Variants in EXOC6 observed in about 807,000 individuals in gnomAD.
EXOC6 encodes the protein exocyst complex component 6, also known as SEC15-like 1.
EXOC6 carries 60 observed loss-of-function variants against 112.5 expected under a neutral mutation model. The observed-to-expected ratio is 0.53, with a 90% CI of 0.43 to 0.66. EXOC6 has a LOEUF of 0.66. Among genes scored for constraint, EXOC6 ranks in the 30% least tolerant of loss-of-function variants. The probability of loss-of-function intolerance (pLI) is 0.00; values close to 1 mark genes in which losing one functional copy is unlikely to be tolerated. For missense variants in EXOC6, 855 were observed against 957.1 expected, an observed-to-expected ratio of 0.89 and a Z score of 1.41; for synonymous variants, 295 against 308.0, an observed-to-expected ratio of 0.96 and a Z score of 0.44.
intron 20 of EXOC6, among the ~76,000 whole-genome samples, chr10:93,045,431 C>G (rs549733694): frequency 6.6e-6 from 1 of 152,130 alleles, no homozygotes; most frequent in African/African-American, 2.4e-5. Context: ...ACTAGTTATT[C>G]TCTTCCCTCG....
intron 9 of EXOC6, among the ~76,000 whole-genome samples, chr10:92,932,594 A>C (rs1310174961): frequency 2.0e-5 from 3 of 152,172 alleles, no homozygotes; most frequent in African/African-American, 7.2e-5. Context: ...TTCTATATCC[A>C]GTGAAACAAG....
Position 92,996,216 on chromosome 10 carries a change from C to G in EXOC6, c.1954-1258C>G, listed in dbSNP as rs531359577. On this transcript the variant is annotated intron_variant, in intron 18 of 21. Transcript: ENST00000260762. ...TGATGATATTCATAGATCTTTGAAT[C>G]CTATCATAGTAGTCATTCCATCATG... Among the ~76,000 whole-genome samples, 50 of 152,252 alleles carry G rather than the reference C, an allele frequency of 3.3e-4. 1 individual carries two copies. In the South Asian group the frequency reaches 9.5e-3, roughly 29 times the overall value.
chr10:92,845,081 T>C (rs1846999019), upstream of EXOC6, among the ~76,000 whole-genome samples: 1 of 152,200 alleles, frequency 6.6e-6, no homozygotes, highest in African/African-American at 2.4e-5. Context: ...ACAAAATGCA[T>C]CTCCTGTCCT....
At position 92,903,936 on chromosome 10, in the gene EXOC6, C is replaced by G. The variant is rs567713397; in HGVS notation, c.458+4292C>G. Among the ~76,000 whole-genome samples, 6 of 152,178 alleles carry G rather than the reference C, an allele frequency of 3.9e-5. No homozygotes were observed. In the South Asian group the frequency reaches 1.2e-3, roughly 32 times the overall value. ...AATAGTTTCACTGCCTGAAAACTTT[C>G]CTGTGCTCCCTATCTTTCCCCATCC... On this transcript the variant is annotated intron_variant, in intron 5 of 21. Transcript: ENST00000260762.
chr10:92,865,030 GAATC>G (rs1002995843), intron 1 of EXOC6, among the ~76,000 whole-genome samples: 34 of 152,194 alleles, frequency 2.2e-4, no homozygotes, highest in African/African-American at 6.0e-4. Context: ...GTTTTCACAT[GAATC>G]AATCAATAAA....
At chr10:93,046,942 G>T (rs180908087) in intron 20 of EXOC6, among the ~76,000 whole-genome samples, 3 of 152,128 alleles carry the variant, frequency 2.0e-5, no homozygotes, top group Non-Finnish European at 4.4e-5. Context: ...TCATTTAGGA[G>T]CCTGGATTAC....
intron 17 of EXOC6, among the ~76,000 whole-genome samples, chr10:92,959,827 T>C (rs2134034832): frequency 6.6e-6 from 1 of 152,258 alleles, no homozygotes; most frequent in East Asian, 1.9e-4. Context: ...ACACACCTAT[T>C]AGAGTGGCCA....
intron 1 of EXOC6, among the ~76,000 whole-genome samples, chr10:92,854,422 T>G: frequency 6.7e-6 from 1 of 150,072 alleles, no homozygotes; most frequent in African/African-American, 2.5e-5. Flanking sequence ...GGCGACAGAA[T>G]GAGACTCCAT....
chr10:93,049,881 T>C (rs1846198808), intron 20 of EXOC6, among the ~76,000 whole-genome samples: 2 of 152,122 alleles, frequency 1.3e-5, no homozygotes, highest in African/African-American at 2.4e-5. Context: ...AGACCACATG[T>C]TATTTGATTC....
intron 18 of EXOC6, among the ~76,000 whole-genome samples, chr10:92,990,304 G>C (rs916582155): frequency 1.1e-4 from 17 of 152,152 alleles, no homozygotes; most frequent in Admixed American, 9.2e-4. Context: ...ATCTTGGTGA[G>C]AAATTTAATT....
At chr10:92,974,030 G>A (rs201107594) in intron 17 of EXOC6, 23 bp from the exon 18 acceptor site, 4 of 1,541,146 alleles carry the variant, frequency 2.6e-6, no homozygotes. Context: ...TCTTGTCTTT[G>A]TTGTTATTTT....
chr10:92,859,557 T>C (rs1265140174), intron 1 of EXOC6, among the ~76,000 whole-genome samples: 6 of 152,322 alleles, frequency 3.9e-5, no homozygotes, highest in Admixed American at 3.3e-4. Context: ...TTATCCCTTA[T>C]ATGCAAGTGA....
intron 17 of EXOC6, among the ~76,000 whole-genome samples, chr10:92,973,229 C>T (rs1011420474): frequency 2.6e-5 from 4 of 152,178 alleles, no homozygotes; most frequent in African/African-American, 9.7e-5. Flanking sequence ...GAAGGAGCTG[C>T]AGCTCTGTTC....
At chr10:92,875,505 C>G (rs1199134221) in intron 1 of EXOC6, among the ~76,000 whole-genome samples, 4 of 152,034 alleles carry the variant, frequency 2.6e-5, no homozygotes, top group Non-Finnish European at 5.9e-5. Flanking sequence ...ATTAGATTGC[C>G]CCTGAGACCT....
intron 20 of EXOC6, among the ~76,000 whole-genome samples, chr10:93,053,499 C>A (rs1270202059): frequency 2.0e-5 from 3 of 152,214 alleles, no homozygotes; most frequent in Non-Finnish European, 4.4e-5. Flanking sequence ...TAACGTTAGA[C>A]CCAATGCTGT....
Position 93,058,551 on chromosome 10 carries a change from G to A in EXOC6, c.*196G>A. 1.0e-5 allele frequency: 4 copies of A among 396,384 alleles called. No individual in the cohort carries two copies. Among genetic ancestry groups the A allele is most frequent in the Non-Finnish European group, 1.7e-5 (4 of 233,926 alleles). The allele number at this position is 396,384 out of a possible 1,614,324, so 24.6% of individuals were successfully genotyped here. A position where few individuals can be genotyped will look rare whatever the true frequency, so the allele number is the denominator to read the frequency against. On this transcript the variant is annotated 3_prime_UTR_variant, in exon 22 of 22. Coordinates refer to ENST00000260762, the MANE Select transcript of EXOC6 (RefSeq NM_019053.6). ...AATAATCGAATACTATTTTATATAT[G>A]GAAAAAAATGACCATTTTTTCACTT...
chr10:92,892,343 G>A (rs1849547644), intron 1 of EXOC6, among the ~76,000 whole-genome samples: 1 of 152,246 alleles, frequency 6.6e-6, no homozygotes, highest in South Asian at 2.1e-4. Flanking sequence ...ATTGTGGACA[G>A]CACTTACTGC....
chr10:93,003,809 T>G (rs1843862031), intron 19 of EXOC6, among the ~76,000 whole-genome samples: 1 of 152,164 alleles, frequency 6.6e-6, no homozygotes, highest in African/African-American at 2.4e-5. Flanking sequence ...CGAAGTAAAA[T>G]TTGAGCTGGG....
intron 19 of EXOC6, among the ~76,000 whole-genome samples, chr10:92,998,723 AAAC>A (rs1399187706): frequency 6.6e-6 from 1 of 152,058 alleles, no homozygotes; most frequent in Non-Finnish European, 1.5e-5. Flanking sequence ...TTTATTTAGA[AAAC>A]AAAAGAAAAA....
Sources: allele counts gnomAD v4.1 joint callset (sites outside exome capture counted in the v4.1 genomes callset), GRCh38; gene constraint gnomAD v4.1.1; transcripts MANE v1.5; gene names NCBI Gene and HGNC (gene_info 2026-07-23, HGNC 2026-07-21).